The following ATP13A3 variants were observed in gnomAD, a reference collection of about 807,000 sequenced individuals.
ATP13A3 encodes ATPase 13A3.
Under a neutral mutation model 158.1 loss-of-function variants are expected in ATP13A3, and 59 were observed. The ratio of observed to expected loss-of-function variants is 0.37; its 90% CI spans 0.30 to 0.46. The LOEUF (loss-of-function observed/expected upper bound fraction) is 0.46, where lower values mean the gene tolerates loss of function less well. ATP13A3 is among the 20% of genes least tolerant of loss of function. ATP13A3 has a pLI of 1.00. For synonymous variants in ATP13A3, 491 were observed against 504.3 expected, an observed-to-expected ratio of 0.97 and a Z score of 0.35; for missense variants, 1,166 against 1,525.2, an observed-to-expected ratio of 0.76 and a Z score of 3.92.
rs936923271 is a variant in ATP13A3, at chr3:194,458,855, A to G, written c.479+616T>C. Reference sequence around the variant, plus strand: ...TTCCAATAGAAACCTACAGGTATGAATATTTTAAATGTTCATAACATGATT... The same window carrying G: ...TTCCAATAGAAACCTACAGGTATGAGTATTTTAAATGTTCATAACATGATT... On this transcript the variant is annotated intron_variant, in intron 6 of 33. Coordinates refer to ENST00000645319, the MANE Select transcript of ATP13A3 (RefSeq NM_001367549.1). Among the ~76,000 whole-genome samples, 7 of 152,310 alleles carry G rather than the reference A, an allele frequency of 4.6e-5. No homozygotes were observed. In the East Asian group the frequency reaches 1.3e-3, roughly 29 times the overall value.
intron 2 of ATP13A3, among the ~76,000 whole-genome samples, chr3:194,466,379 T>C (rs1719990174): frequency 1.3e-5 from 2 of 152,160 alleles, no homozygotes; most frequent in African/African-American, 4.8e-5. Flanking sequence ...GGAGGAGAGA[T>C]GCAAATTACC....
chr3:194,439,580 G>A (rs1717900009), intron 16 of ATP13A3, among the ~76,000 whole-genome samples: 2 of 152,172 alleles, frequency 1.3e-5, no homozygotes, highest in Admixed American at 1.3e-4. Context: ...AAACAATAGG[G>A]AACTGTGAAA....
chr3:194,405,686 T>G lies in ATP13A3; in HGVS notation c.*233A>C. The G allele has an allele frequency of 2.2e-6, 1 of 453,920 alleles. No homozygotes were observed. Among genetic ancestry groups the G allele is most frequent in the East Asian group, 3.8e-5 (1 of 26,280 alleles). 28.1% of individuals were successfully genotyped at this position (453,920 alleles called of 1,614,324 possible). A position where few individuals can be genotyped will look rare whatever the true frequency, so the allele number is the denominator to read the frequency against. On this transcript the variant is annotated 3_prime_UTR_variant, in exon 34 of 34. Transcript: ENST00000645319. The stretch of plus-strand genomic sequence containing the variant: ...GAAAATTCTGGAAATGTATGTAATA[T>G]TTGGGTTGCTGAATGAAGATATAGG...
chr3:194,468,363 A>G (rs1315079166), intron 2 of ATP13A3: 7 of 147,918 alleles, frequency 4.7e-5, no homozygotes, highest in Non-Finnish European at 1.5e-5. Context: ...AATTTATAAT[A>G]AACTTGATTT....
chr3:194,433,962 A>G, intron 20 of ATP13A3, 66 bp from the exon 21 acceptor site: 3 of 1,456,338 alleles, frequency 2.1e-6, no homozygotes, highest in South Asian at 1.2e-5. Context: ...ATGTACACAA[A>G]CTTGAAATAT....
intron 3 of ATP13A3, among the ~76,000 whole-genome samples, chr3:194,461,693 G>A: frequency 6.6e-6 from 1 of 152,128 alleles, no homozygotes; most frequent in East Asian, 1.9e-4. Flanking sequence ...CCTTCATTAT[G>A]TGACTTTTAC....
upstream of ATP13A3, among the ~76,000 whole-genome samples, chr3:194,490,873 T>G (rs1391034592): frequency 6.6e-6 from 1 of 152,228 alleles, no homozygotes; most frequent in African/African-American, 2.4e-5. The surrounding 1 kb of genome is among the most constrained non-coding windows in gnomAD (Gnocchi z 4.4). Flanking sequence ...AGGCTGGGCA[T>G]GGTGGCTCAC....
chr3:194,407,900 G>A (rs78405375), intron 33 of ATP13A3, among the ~76,000 whole-genome samples: 4,262 of 151,998 alleles, frequency 0.028, 211 homozygotes, highest in African/African-American at 0.099. Flanking sequence ...CACAACAAAC[G>A]TAATATTTCA....
At chr3:194,456,684 A>G (rs1421992561) in intron 7 of ATP13A3, among the ~76,000 whole-genome samples, 3 of 152,146 alleles carry the variant, frequency 2.0e-5, no homozygotes, top group Non-Finnish European at 4.4e-5. Context: ...ATTACGGTGA[A>G]TTTGAACTCA....
At chr3:194,461,937 C>A (rs1215779751) in intron 3 of ATP13A3, among the ~76,000 whole-genome samples, 2 of 152,072 alleles carry the variant, frequency 1.3e-5, no homozygotes, top group African/African-American at 4.8e-5. Flanking sequence ...TTTTAACAGA[C>A]CACAGGTAAA....
In ATP13A3 at chr3:194,474,053, T is replaced by C. The variant is rs561707365; in HGVS notation, c.-47+11741A>G. ...CATTAACGGTTTCTTCAAATTCCTC[T>C]GCATCTTTAGATTTATGAAGTAGAG... On this transcript the variant is annotated intron_variant, in intron 2 of 33. Coordinates refer to ENST00000645319, the MANE Select transcript of ATP13A3 (RefSeq NM_001367549.1). 2.6e-4 allele frequency among the ~76,000 whole-genome samples: 39 copies of C among 152,362 alleles called. No individual in the cohort carries two copies. In the East Asian group the frequency reaches 4.4e-3, roughly 17 times the overall value.
intron 2 of ATP13A3, among the ~76,000 whole-genome samples, chr3:194,464,516 T>C (rs961545549): frequency 6.6e-6 from 1 of 152,194 alleles, no homozygotes; most frequent in Non-Finnish European, 1.5e-5. Context: ...GGGCTGTGCC[T>C]GCTACTATAG....
intron 2 of ATP13A3, among the ~76,000 whole-genome samples, chr3:194,466,882 A>T (rs1174746663): frequency 6.6e-6 from 1 of 152,250 alleles, no homozygotes; most frequent in South Asian, 2.1e-4. Flanking sequence ...TTTAGACAGA[A>T]GAAAACTTTC....
intron 33 of ATP13A3, among the ~76,000 whole-genome samples, chr3:194,409,247 A>G (rs1264630232): frequency 6.6e-6 from 1 of 152,256 alleles, no homozygotes; most frequent in Admixed American, 6.5e-5. Context: ...GAAAAATGTT[A>G]TAATGGCGCT....
chr3:194,453,651 A>C, intron 10 of ATP13A3, 55 bp downstream of exon 10: 1 of 1,415,262 alleles, frequency 7.1e-7, no homozygotes, highest in Non-Finnish European at 1.0e-6. Context: ...TACTTCACAC[A>C]TTATGCCTAA....
At chr3:194,459,409 T>C (rs1719475996) in intron 6 of ATP13A3, 62 bp downstream of exon 6, 2 of 1,169,174 alleles carry the variant, frequency 1.7e-6, no homozygotes, top group East Asian at 2.4e-5. Flanking sequence ...AATGGACTCT[T>C]TTCTATCTAG....
chr3:194,408,894 G>A (rs1006772739), intron 33 of ATP13A3, among the ~76,000 whole-genome samples: 1 of 152,200 alleles, frequency 6.6e-6, no homozygotes, highest in East Asian at 1.9e-4. Flanking sequence ...AGCCAGCGGG[G>A]AGATGATGAT....
At chr3:194,407,731 T>A (rs1715047042) in intron 33 of ATP13A3, among the ~76,000 whole-genome samples, 1 of 152,200 alleles carries the variant, frequency 6.6e-6, no homozygotes, top group African/African-American at 2.4e-5. Context: ...ATTACTCGCC[T>A]AGTAGCCTTT....
chr3:194,407,011 C>T (rs555239123), intron 33 of ATP13A3, among the ~76,000 whole-genome samples: 40 of 152,174 alleles, frequency 2.6e-4, no homozygotes, highest in African/African-American at 9.6e-4. Flanking sequence ...TGAATTTGGC[C>T]TTAGATAAAT....
Sources: allele counts gnomAD v4.1 joint callset (sites outside exome capture counted in the v4.1 genomes callset), GRCh38; gene constraint gnomAD v4.1.1; non-coding constraint Gnocchi (gnomAD v3.1); transcripts MANE v1.5; gene names NCBI Gene and HGNC (gene_info 2026-07-23, HGNC 2026-07-21).